MFSD6: variants seen among roughly 807,000 people sequenced by gnomAD.
MFSD6 encodes the protein major facilitator superfamily domain-containing protein 6.
MFSD6 carries 26 observed loss-of-function variants against 56.3 expected under a neutral mutation model. The observed-to-expected ratio is 0.46, with a 90% CI of 0.34 to 0.64. The LOEUF (loss-of-function observed/expected upper bound fraction) is 0.64. Ranked by LOEUF, MFSD6 falls within the 30% of genes least tolerant of loss-of-function variation. The probability of loss-of-function intolerance (pLI) is 0.01; values close to 1 mark genes in which losing one functional copy is unlikely to be tolerated. For synonymous variants in MFSD6, 331 were observed against 366.9 expected (o/e 0.90, Z 1.12); for missense variants, 750 against 986.2 (o/e 0.76, Z 3.21).
At chr2:190,408,747 G>C (rs923725126) in intron 1 of MFSD6, among the ~76,000 whole-genome samples, 3 of 151,872 alleles carry the variant, frequency 2.0e-5, no homozygotes, top group African/African-American at 7.3e-5. Context: ...ATCTTTGTGG[G>C]GTGCTGGGGG....
Position 190,500,143 on chromosome 2 carries a change from C to G in MFSD6, c.2301C>G (p.Pro767=). 6.2e-7 allele frequency: 1 copy of G among 1,614,130 alleles called. No individual in the cohort carries two copies. Among genetic ancestry groups the G allele is most frequent in the Non-Finnish European group, 8.5e-7 (1 of 1,180,022 alleles). Residue 767 remains proline (P), a synonymous_variant, in exon 8 of 8, where the codon CCC becomes CCG. Coordinates refer to ENST00000392328, the MANE Select transcript of MFSD6 (RefSeq NM_017694.4). The surrounding 1 kb of genome is among the most constrained non-coding windows in gnomAD (Gnocchi z 5.3). ...CAGCATCTCAGACGCAGACCAGCCC[C>G]GCTCACCCCAGTGTGGACCCGTGCA... ...DAAASQTQTS[P]AHPSVDPCTE...
Position 190,492,498 on chromosome 2 carries a change from T to G in MFSD6, c.1891+2632T>G, listed in dbSNP as rs1478168498. 2.0e-5 allele frequency among the ~76,000 whole-genome samples: 3 copies of G among 152,200 alleles called. No homozygotes were observed. Among genetic ancestry groups the G allele is most frequent in the African/African-American group, 7.2e-5 (3 of 41,464 alleles). The stretch of plus-strand genomic sequence containing the variant: ...AGGGATTGAGGCCCTATGTTCAGCC[T>G]CATAATTAATTTCCATAAATAAATG... On this transcript the variant is annotated intron_variant, in intron 6 of 7. Coordinates refer to ENST00000392328, the MANE Select transcript of MFSD6 (RefSeq NM_017694.4). This position sits in a 1 kb window ranked among gnomAD's most constrained non-coding sequence, Gnocchi z 5.2.
rs1446352441 is a variant in MFSD6 at position 190,499,618 on chromosome 2, TG to T, written c.2173-395del. On this transcript the variant is annotated intron_variant, in intron 7 of 7. Transcript: ENST00000392328. This position sits in a 1 kb window ranked among gnomAD's most constrained non-coding sequence, Gnocchi z 6.0. ...ACCTCCTGTTAGACAAAGTGTCTTC[TG>T]GCTCTTGGATTCTGTGGTCTTAGCA... Among the ~76,000 whole-genome samples, 1 of 152,266 alleles carries T rather than the reference TG, an allele frequency of 6.6e-6. No homozygotes were observed. The highest frequency in any genetic ancestry group is 1.5e-5 in the Non-Finnish European group (1 of 68,048).
At chr2:190,474,211 A>C (rs1559132205) in intron 4 of MFSD6, among the ~76,000 whole-genome samples, 1 of 152,174 alleles carries the variant, frequency 6.6e-6, no homozygotes, top group Non-Finnish European at 1.5e-5. Context: ...GAAATAACTA[A>C]GATCAGAGCA....
In MFSD6 at chr2:190,451,458, G is replaced by C. The variant is rs904162585; in HGVS notation, c.1532+13897G>C. 4.6e-5 allele frequency among the ~76,000 whole-genome samples: 7 copies of C among 152,182 alleles called. No individual in the cohort carries two copies. Among genetic ancestry groups the C allele is most frequent in the East Asian group, 3.9e-4 (2 of 5,192 alleles). On this transcript the variant is annotated intron_variant, in intron 3 of 7. Transcript: ENST00000392328. This position sits in a 1 kb window ranked among gnomAD's most constrained non-coding sequence, Gnocchi z 5.0. ...CTGTGCTATAATCTAGGGATATATG[G>C]AATCTGTAATAAGAAAGATAAAGGT...
chr2:190,419,739 T>C (rs765918745), intron 2 of MFSD6, among the ~76,000 whole-genome samples: 2 of 152,260 alleles, frequency 1.3e-5, no homozygotes, highest in Non-Finnish European at 2.9e-5. Flanking sequence ...TGAAGAAAGC[T>C]ATCAGTTTTA....
Position 190,463,312 on chromosome 2 carries a change from A to G in MFSD6, c.1533-6446A>G, listed in dbSNP as rs952518591. Among the ~76,000 whole-genome samples, 11 of 152,356 alleles carry G rather than the reference A, an allele frequency of 7.2e-5. No homozygotes were observed. Among genetic ancestry groups the G allele is most frequent in the African/African-American group, 2.2e-4 (9 of 41,578 alleles). On this transcript the variant is annotated intron_variant, in intron 3 of 7. Coordinates refer to ENST00000392328, the MANE Select transcript of MFSD6 (RefSeq NM_017694.4). The surrounding 1 kb of genome is among the most constrained non-coding windows in gnomAD (Gnocchi z 4.4). ...TACTCTCTTAAACTGACAATAGAGA[A>G]CATCATCTTATTCAGGTCAATAGTG...
intron 3 of MFSD6, among the ~76,000 whole-genome samples, chr2:190,466,135 A>T (rs4853713): frequency 0.46 from 70,041 of 151,828 alleles, 16,652 homozygotes; most frequent in East Asian, 0.61. Context: ...TCTTGGAAAA[A>T]CACCAGTTAT....
rs1689484421 is a variant in MFSD6 at position 190,493,522 on chromosome 2, AC to A, written c.1891+3657del. 4.6e-5 allele frequency among the ~76,000 whole-genome samples: 7 copies of A among 152,210 alleles called. No individual in the cohort carries two copies. In the South Asian group the frequency reaches 1.2e-3, roughly 27 times the overall value. On this transcript the variant is annotated intron_variant, in intron 6 of 7. Coordinates refer to ENST00000392328, the MANE Select transcript of MFSD6 (RefSeq NM_017694.4). ...CAATGGATTTAAACTATACCCTGGA[AC>A]AAATGAACTTAACAGATATTTACAG...
In MFSD6 at chr2:190,501,467, G is replaced by A. The variant is rs1430485975; in HGVS notation, c.*1249G>A. ...GCTTGCCACTAAAAATCAAAGCAGA[G>A]GTTAACAGGAAACCTGGGGGGAGTG... is the stretch of plus-strand genomic sequence containing the variant. On this transcript the variant is annotated 3_prime_UTR_variant, in exon 8 of 8. Transcript: ENST00000392328. The A allele has an allele frequency of 6.6e-6, 1 of 152,138 alleles. No individual in the cohort carries two copies. Among genetic ancestry groups the A allele is most frequent in the Admixed American group, 6.6e-5 (1 of 15,262 alleles). The allele number at this position is 152,138 out of a possible 1,614,324, so 9.4% of individuals were successfully genotyped here. A position where few individuals can be genotyped will look rare whatever the true frequency, so the allele number is the denominator to read the frequency against.
At position 190,412,602 on chromosome 2, in the gene MFSD6, A is replaced by G. The variant is rs1690604512; in HGVS notation, c.-175-2690A>G. On this transcript the variant is annotated intron_variant, in intron 1 of 7. Transcript: ENST00000392328. This position sits in a 1 kb window ranked among gnomAD's most constrained non-coding sequence, Gnocchi z 4.1. ...ATCTGATGTCAATTCTGTGTGGGGC[A>G]ATGAAAACACCTTAATGCCTCCACC... 1 of 985,220 alleles carries G rather than the reference A, an allele frequency of 1.0e-6. No homozygotes were observed. The highest frequency in any genetic ancestry group is 4.7e-5 in the South Asian group (1 of 21,288). 61.0% of individuals were successfully genotyped at this position (985,220 alleles called of 1,614,324 possible). A position where few individuals can be genotyped will look rare whatever the true frequency, so the allele number is the denominator to read the frequency against.
rs567870492 is a variant in MFSD6, at chr2:190,412,669, T to G, written c.-175-2623T>G. 7 of 945,708 alleles carry G rather than the reference T, an allele frequency of 7.4e-6. No homozygotes were observed. In the East Asian group the frequency reaches 8.1e-4, roughly 110 times the overall value. The allele number at this position is 945,708 out of a possible 1,614,324, so 58.6% of individuals were successfully genotyped here. Reference sequence around the variant, plus strand: ...AGTTTATAATTCCTCCATGTTTAATTATCCAACATTAGCTGTCTGTTCCCA... The same window carrying G: ...AGTTTATAATTCCTCCATGTTTAATGATCCAACATTAGCTGTCTGTTCCCA... On this transcript the variant is annotated intron_variant, in intron 1 of 7. Coordinates refer to ENST00000392328, the MANE Select transcript of MFSD6 (RefSeq NM_017694.4). This position sits in a 1 kb window ranked among gnomAD's most constrained non-coding sequence, Gnocchi z 4.1.
chr2:190,407,668 AC>A (rs1690360931), upstream of MFSD6, among the ~76,000 whole-genome samples: 11 of 152,308 alleles, frequency 7.2e-5, no homozygotes, highest in South Asian at 2.3e-3. The surrounding 1 kb of genome is among the most constrained non-coding windows in gnomAD (Gnocchi z 5.4). Context: ...TCTTAGTGCG[AC>A]ACACACGGTT....
chr2:190,458,569 C>T lies in MFSD6; in HGVS notation c.1533-11189C>T, dbSNP rs62181018. The stretch of plus-strand genomic sequence containing the variant: ...AGCAAACTAATACAGTCCTGTAGGC[C>T]TAGCTTCACCCCAGTTTTAGATTCC... On this transcript the variant is annotated intron_variant, in intron 3 of 7. Coordinates refer to ENST00000392328, the MANE Select transcript of MFSD6 (RefSeq NM_017694.4). This position sits in a 1 kb window ranked among gnomAD's most constrained non-coding sequence, Gnocchi z 5.3. 0.18 allele frequency among the ~76,000 whole-genome samples: 27,437 copies of T among 152,108 alleles called. 2,612 individuals carry two copies. Among genetic ancestry groups the T allele is most frequent in the East Asian group, 0.29 (1,477 of 5,168 alleles).
chr2:190,449,575 T>C (rs557026903), intron 3 of MFSD6, among the ~76,000 whole-genome samples: 3 of 152,176 alleles, frequency 2.0e-5, no homozygotes, highest in Admixed American at 1.3e-4. Flanking sequence ...CATATGTTTA[T>C]TGCGGCACTA....
intron 2 of MFSD6, among the ~76,000 whole-genome samples, chr2:190,430,134 A>G (rs892958185): frequency 6.6e-6 from 1 of 150,502 alleles, no homozygotes; most frequent in Non-Finnish European, 1.5e-5. Context: ...GCTGAGAATG[A>G]TGGTTTCCAG....
rs948467330 is a variant in MFSD6, at chr2:190,492,745, A to T, written c.1891+2879A>T. Among the ~76,000 whole-genome samples the T allele has an allele frequency of 6.6e-6, 1 of 151,198 alleles. No homozygotes were observed. Among genetic ancestry groups the T allele is most frequent in the Non-Finnish European group, 1.5e-5 (1 of 67,988 alleles). ...GATACAGTCTTTTTCAGACAAACAAATGCTGAGAGAATTCACCACTACCAA... is the reference window on the plus strand; with the variant it reads ...GATACAGTCTTTTTCAGACAAACAATTGCTGAGAGAATTCACCACTACCAA... On this transcript the variant is annotated intron_variant, in intron 6 of 7. Coordinates refer to ENST00000392328, the MANE Select transcript of MFSD6 (RefSeq NM_017694.4). The surrounding 1 kb of genome is among the most constrained non-coding windows in gnomAD (Gnocchi z 5.2).
intron 6 of MFSD6, among the ~76,000 whole-genome samples, chr2:190,493,557 A>T (rs912897786): frequency 3.3e-5 from 5 of 152,204 alleles, no homozygotes; most frequent in Non-Finnish European, 7.4e-5. Flanking sequence ...AGAACATTCT[A>T]CCCAACAACT....
At position 190,439,678 on chromosome 2, in the gene MFSD6, CA is replaced by C. The variant is rs2125058182; in HGVS notation, c.1532+2118del. ...TTTTCTGGTTTTTACGGACAAAAAGCATCTTCCATTTCTTGTTTAATAATGT... is the reference window on the plus strand; with the variant it reads ...TTTTCTGGTTTTTACGGACAAAAAGCTCTTCCATTTCTTGTTTAATAATGT... On this transcript the variant is annotated intron_variant, in intron 3 of 7. Coordinates refer to ENST00000392328, the MANE Select transcript of MFSD6 (RefSeq NM_017694.4). This position sits in a 1 kb window ranked among gnomAD's most constrained non-coding sequence, Gnocchi z 5.8. 6.6e-6 allele frequency among the ~76,000 whole-genome samples: 1 copy of C among 152,264 alleles called. No homozygotes were observed. The highest frequency in any genetic ancestry group is 2.4e-5 in the African/African-American group (1 of 41,560).
Sources: gnomAD v4.1 joint callset for allele counts (sites outside exome capture counted in the v4.1 genomes callset) on GRCh38, gnomAD v4.1.1 for gene constraint, Gnocchi (gnomAD v3.1) non-coding constraint, MANE v1.5 for transcripts, NCBI Gene and HGNC (gene_info 2026-07-23, HGNC 2026-07-21) for gene names.